The following NDST4 variants were observed in gnomAD, a reference collection of about 807,000 sequenced individuals.
The protein encoded by NDST4 is N-heparan sulfate sulfotransferase 4.
A neutral mutation model predicts 100.8 loss-of-function variants in NDST4; 63 were observed. The observed-to-expected ratio is 0.62, with a 90% CI of 0.51 to 0.77. The LOEUF is 0.77. NDST4 is among the 30% of genes least tolerant of loss of function. The probability of loss-of-function intolerance (pLI) is 0.00; values close to 1 mark genes in which losing one functional copy is unlikely to be tolerated. For synonymous variants in NDST4, 377 were observed against 361.8 expected (o/e 1.04, Z -0.48); for missense variants, 943 against 1,018.4 (o/e 0.93, Z 1.01).
intron 4 of NDST4, among the ~76,000 whole-genome samples, chr4:114,945,523 A>G (rs1173762794): frequency 6.6e-6 from 1 of 152,254 alleles, no homozygotes; most frequent in African/African-American, 2.4e-5. Flanking sequence ...GGAAATAAAC[A>G]TATTAAAGAA....
chr4:115,073,210 A>G (rs1263952424), intron 2 of NDST4, among the ~76,000 whole-genome samples: 2 of 151,958 alleles, frequency 1.3e-5, no homozygotes, highest in African/African-American at 2.4e-5. Flanking sequence ...CCTCATGTAC[A>G]TGGGTGGAAA....
chr4:114,893,902 A>C (rs959581870), intron 6 of NDST4, among the ~76,000 whole-genome samples: 2 of 152,028 alleles, frequency 1.3e-5, no homozygotes, highest in Non-Finnish European at 2.9e-5. Context: ...ATTCATCTTG[A>C]GTTAATTTTT....
intron 2 of NDST4, among the ~76,000 whole-genome samples, chr4:115,067,111 G>T (rs893097038): frequency 6.6e-6 from 1 of 152,086 alleles, no homozygotes; most frequent in Non-Finnish European, 1.5e-5. Context: ...TGCTACACTT[G>T]CCAATTGCAT....
chr4:114,834,520 A>C (rs542458595), intron 11 of NDST4, among the ~76,000 whole-genome samples: 177 of 151,904 alleles, frequency 1.2e-3, no homozygotes, highest in Admixed American at 1.9e-3. Context: ...TCTCAAAAAA[A>C]AAAAAAAAAA....
intron 1 of NDST4, among the ~76,000 whole-genome samples, chr4:115,107,371 C>T (rs1729852959): frequency 6.6e-6 from 1 of 152,046 alleles, no homozygotes; most frequent in South Asian, 2.1e-4. Context: ...TGTGCCATAT[C>T]TTAAATTCTC....
At chr4:114,916,339 C>T (rs1725166941) in intron 6 of NDST4, among the ~76,000 whole-genome samples, 1 of 152,146 alleles carries the variant, frequency 6.6e-6, no homozygotes, top group Non-Finnish European at 1.5e-5. Context: ...ACCACATTCT[C>T]TTCTAGCCTC....
At chr4:114,964,365 G>C (rs1454144457) in intron 4 of NDST4, among the ~76,000 whole-genome samples, 3 of 152,152 alleles carry the variant, frequency 2.0e-5, no homozygotes, top group Non-Finnish European at 4.4e-5. Context: ...GCAGGATCCA[G>C]TTATTTCATA....
chr4:114,891,686 C>A (rs1187631646), intron 6 of NDST4, among the ~76,000 whole-genome samples: 1 of 152,062 alleles, frequency 6.6e-6, no homozygotes, highest in Non-Finnish European at 1.5e-5. Context: ...CTTCATTCAG[C>A]ACCAAACACT....
chr4:114,990,549 TAA>T (rs943353121), intron 2 of NDST4, among the ~76,000 whole-genome samples: 1 of 152,066 alleles, frequency 6.6e-6, no homozygotes, highest in African/African-American at 2.4e-5. Flanking sequence ...AGCAGTGAGA[TAA>T]AGTCACTTAA....
At chr4:114,942,267 T>A (rs1042491404) in intron 4 of NDST4, among the ~76,000 whole-genome samples, 4 of 152,190 alleles carry the variant, frequency 2.6e-5, no homozygotes, top group Non-Finnish European at 5.9e-5. Context: ...GTACTGGGGA[T>A]GCCCTGGGTA....
At chr4:114,932,349 CACA>C (rs1725533027) in intron 6 of NDST4, among the ~76,000 whole-genome samples, 1 of 151,810 alleles carries the variant, frequency 6.6e-6, no homozygotes, top group Non-Finnish European at 1.5e-5. Flanking sequence ...TTCATCACAA[CACA>C]ATTAGTGCCA....
At chr4:114,974,472 C>T (rs915389030) in intron 3 of NDST4, among the ~76,000 whole-genome samples, 2 of 152,034 alleles carry the variant, frequency 1.3e-5, no homozygotes, top group Non-Finnish European at 2.9e-5. Flanking sequence ...ACATTTAATT[C>T]CAAGGAACAG....
chr4:115,006,111 GAAAA>G (rs902281570), intron 2 of NDST4, among the ~76,000 whole-genome samples: 1 of 146,660 alleles, frequency 6.8e-6, no homozygotes, highest in Non-Finnish European at 1.5e-5. Flanking sequence ...GAAAGAGAAA[GAAAA>G]AAAGAAAAAA....
chr4:114,929,099 TCCATCCATCCATCC>T (rs1560817039), intron 6 of NDST4, among the ~76,000 whole-genome samples: 20 of 134,408 alleles, frequency 1.5e-4, no homozygotes, highest in African/African-American at 5.4e-4. Context: ...CATCCATCCA[TCCATCCATCCATCC>T]ATCTATCTAT....
chr4:114,839,679 C>T, intron 10 of NDST4, 131 bp from the exon 11 acceptor site: 1 of 588,716 alleles, frequency 1.7e-6, no homozygotes. Flanking sequence ...CTTTATGTCA[C>T]AAAATAATAA....
At chr4:115,025,420 A>G (rs1309203241) in intron 2 of NDST4, among the ~76,000 whole-genome samples, 4 of 152,178 alleles carry the variant, frequency 2.6e-5, no homozygotes, top group Non-Finnish European at 5.9e-5. Flanking sequence ...AGGTAATGAT[A>G]TATTTCTTTT....
At chr4:114,945,036 C>T (rs572606500) in intron 4 of NDST4, among the ~76,000 whole-genome samples, 1 of 151,666 alleles carries the variant, frequency 6.6e-6, no homozygotes, top group Non-Finnish European at 1.5e-5. Flanking sequence ...ATGGAGAAAC[C>T]CTGTCTCTAC....
chr4:114,852,714 G>A lies in NDST4; in HGVS notation c.1816+11C>T. The A allele has an allele frequency of 2.0e-6, 3 of 1,487,032 alleles. No homozygotes were observed. Among genetic ancestry groups the A allele is most frequent in the Non-Finnish European group, 2.8e-6 (3 of 1,066,884 alleles). The allele number at this position is 1,487,032 out of a possible 1,614,324, so 92.1% of individuals were successfully genotyped here. A position where few individuals can be genotyped will look rare whatever the true frequency, so the allele number is the denominator to read the frequency against. On this transcript the variant is annotated intron_variant, in intron 8 of 13. Coordinates refer to ENST00000264363, the MANE Select transcript of NDST4 (RefSeq NM_022569.3). ...AAAAAGGATATAAGTAGCACAATTG[G>A]CTATTTTTACCTGTTTTTTGTGGAC...
In NDST4 at chr4:115,076,046, T is replaced by C; in HGVS notation, c.978+13A>G. On this transcript the variant is annotated intron_variant, in intron 2 of 13. Coordinates refer to ENST00000264363, the MANE Select transcript of NDST4 (RefSeq NM_022569.3). ...GAAATACAAATTTCGATGTTGTCTA[T>C]AAATAAGCTTACCTTCACATCTTTG... is the stretch of plus-strand genomic sequence containing the variant. 1 of 1,590,102 alleles carries C rather than the reference T, an allele frequency of 6.3e-7. No individual in the cohort carries two copies. The highest frequency in any genetic ancestry group is 8.6e-7 in the Non-Finnish European group (1 of 1,169,218).
Sources: gnomAD v4.1 joint callset for allele counts (sites outside exome capture counted in the v4.1 genomes callset) on GRCh38, gnomAD v4.1.1 for gene constraint, MANE v1.5 for transcripts, NCBI Gene and HGNC (gene_info 2026-07-23, HGNC 2026-07-21) for gene names.